The following CRACR2A variants were observed in gnomAD, a reference collection of about 807,000 sequenced individuals.
CRACR2A encodes the protein EF-hand calcium-binding domain-containing protein 4B.
Under a neutral mutation model 90.5 loss-of-function variants are expected in CRACR2A, and 79 were observed. The observed-to-expected ratio is 0.87, with a 90% CI of 0.73 to 1.05. CRACR2A has a LOEUF of 1.05. Among genes scored for constraint, CRACR2A ranks in the 50% least tolerant of loss-of-function variants. CRACR2A has a pLI of 0.00. For synonymous variants in CRACR2A, 338 were observed against 356.7 expected (o/e 0.95, Z 0.59); for missense variants, 823 against 897.2 (o/e 0.92, Z 1.06).
chr12:3,720,647 C>A (rs1340976092), intron 2 of CRACR2A, among the ~76,000 whole-genome samples: 2 of 152,152 alleles, frequency 1.3e-5, no homozygotes, highest in East Asian at 3.9e-4. Flanking sequence ...TGAGTGAATT[C>A]TCCTCCTGAC....
chr12:3,653,192 A>G (rs953631788), intron 10 of CRACR2A, among the ~76,000 whole-genome samples: 3 of 152,106 alleles, frequency 2.0e-5, no homozygotes, highest in Non-Finnish European at 4.4e-5. Context: ...CGTGTTGGTC[A>G]GGCTGGTCTT....
intron 3 of CRACR2A, among the ~76,000 whole-genome samples, chr12:3,700,454 A>G (rs1333367513): frequency 6.6e-6 from 1 of 152,218 alleles, no homozygotes; most frequent in Non-Finnish European, 1.5e-5. Flanking sequence ...GAGGAAACCC[A>G]ACTATATCCT....
At chr12:3,744,589 C>A (rs933490730) in intron 1 of CRACR2A, among the ~76,000 whole-genome samples, 6 of 152,302 alleles carry the variant, frequency 3.9e-5, no homozygotes, top group African/African-American at 1.4e-4. Context: ...CCTTACAGGA[C>A]CCTGGGGAGA....
At chr12:3,687,653 G>A (rs1469238217) in intron 4 of CRACR2A, among the ~76,000 whole-genome samples, 1 of 151,954 alleles carries the variant, frequency 6.6e-6, no homozygotes, top group Non-Finnish European at 1.5e-5. Flanking sequence ...TGCTACAATG[G>A]ACACATACAT....
At chr12:3,706,034 G>A (rs1433961869) in intron 3 of CRACR2A, among the ~76,000 whole-genome samples, 1 of 152,128 alleles carries the variant, frequency 6.6e-6, no homozygotes, top group Non-Finnish European at 1.5e-5. Flanking sequence ...CCCTAGCACT[G>A]TTTGCACAGG....
At position 3,679,111 on chromosome 12, in the gene CRACR2A, G is replaced by GGGCACA. The variant is rs1945397284; in HGVS notation, c.341-19_341-14dup. ...AAGAAGAAGTGACCTGGGGGGTGCA[G>GGGCACA]GGCACAAGGATCCGAATTAGACCAT... On this transcript the variant is annotated splice_polypyrimidine_tract_variant and intron_variant, in intron 5 of 19. Transcript: ENST00000440314. 6.2e-7 allele frequency: 1 copy of GGGCACA among 1,607,122 alleles called. No homozygotes were observed. Among genetic ancestry groups the GGGCACA allele is most frequent in the African/African-American group, 1.3e-5 (1 of 74,630 alleles).
chr12:3,734,665 T>G (rs929768642), intron 1 of CRACR2A, among the ~76,000 whole-genome samples: 1 of 144,712 alleles, frequency 6.9e-6, no homozygotes, highest in Non-Finnish European at 1.5e-5. Context: ...ATATACATAA[T>G]AGAATATAAT....
Position 3,744,617 on chromosome 12 carries a change from A to G in CRACR2A, c.-387+8398T>C, listed in dbSNP as rs1339929784. On this transcript the variant is annotated intron_variant, in intron 1 of 19. Coordinates refer to ENST00000440314, the MANE Select transcript of CRACR2A (RefSeq NM_001144958.2). ...TGGGGAGAAATATGCAAGGTTCTGT[A>G]CAAAGTACTTAGCCCACAGGAGGGC... Among the ~76,000 whole-genome samples the G allele has an allele frequency of 1.3e-5, 2 of 152,248 alleles. 1 individual carries two copies. The highest frequency in any genetic ancestry group is 3.8e-4 in the East Asian group (2 of 5,196).
At chr12:3,684,151 C>A (rs1330251661) in intron 4 of CRACR2A, among the ~76,000 whole-genome samples, 2 of 152,174 alleles carry the variant, frequency 1.3e-5, no homozygotes, top group African/African-American at 2.4e-5. Context: ...AGGAAAAAAT[C>A]AGAGGATATC....
intron 1 of CRACR2A, among the ~76,000 whole-genome samples, chr12:3,743,438 T>C (rs1946560459): frequency 6.6e-6 from 1 of 152,244 alleles, no homozygotes; most frequent in Admixed American, 6.5e-5. Context: ...CCTCCCATTT[T>C]ACAGGCGTGT....
At chr12:3,673,362 G>T in intron 7 of CRACR2A, 84 bp downstream of exon 7, 1 of 1,501,318 alleles carries the variant, frequency 6.7e-7, no homozygotes, top group South Asian at 1.3e-5. Context: ...ACGATGTTTT[G>T]GCAGAAGATC....
At chr12:3,735,660 T>C (rs959162825) in intron 1 of CRACR2A, among the ~76,000 whole-genome samples, 2 of 152,252 alleles carry the variant, frequency 1.3e-5, no homozygotes, top group Non-Finnish European at 2.9e-5. Context: ...AGGAAGTGGG[T>C]AGCAGAGGCA....
chr12:3,680,247 T>C lies in CRACR2A; in HGVS notation c.331A>G (p.Thr111Ala). The change falls in exon 5 of 20, where the codon ACT becomes GCT. Residue 111 changes from threonine to alanine, a missense_variant. By Grantham distance (58) the Thr-to-Ala change is moderately conservative. Coordinates refer to ENST00000440314, the MANE Select transcript of CRACR2A (RefSeq NM_001144958.2). The stretch of plus-strand genomic sequence containing the variant: ...ACCCATCAGAACTTACTAAATCCAG[T>C]AGTGAACTCCTGTGGGGTCAGATAG... The part of the protein sequence containing the change: ...NGYLTPQEFT[T>A]GFSHFFFSQN... 1.2e-6 allele frequency: 2 copies of C among 1,613,914 alleles called. No homozygotes were observed. Among genetic ancestry groups the C allele is most frequent in the Non-Finnish European group, 1.7e-6 (2 of 1,179,818 alleles).
chr12:3,627,453 A>G lies in CRACR2A; in HGVS notation c.1915T>C (p.Trp639Arg), dbSNP rs1183516915. 1 of 1,551,944 alleles carries G rather than the reference A, an allele frequency of 6.4e-7. No homozygotes were observed. Among genetic ancestry groups the G allele is most frequent in the Non-Finnish European group, 8.7e-7 (1 of 1,147,040 alleles). The change falls in exon 17 of 20, where the codon TGG becomes CGG. Residue 639 changes from tryptophan (W) to arginine (R), a missense_variant. Physicochemically the swap from Trp to Arg is moderately radical, Grantham distance 101. Transcript: ENST00000440314. Reference sequence around the variant, plus strand: ...CAGCTCACCTCCACGCTGCTCAGCCACCGCCGGACCGACAGGAACGACTGC... The same window carrying G: ...CAGCTCACCTCCACGCTGCTCAGCCGCCGCCGGACCGACAGGAACGACTGC... ...DKQSFLSVRR[W>R]LSSVEEAVGD... is the part of the protein sequence containing the mutation.
chr12:3,680,234 T>G lies in CRACR2A; in HGVS notation c.340+4A>C, dbSNP rs1945420275. The G allele has an allele frequency of 6.2e-7, 1 of 1,613,020 alleles. No individual in the cohort carries two copies. Among genetic ancestry groups the G allele is most frequent in the Non-Finnish European group, 8.5e-7 (1 of 1,179,144 alleles). On this transcript the variant is annotated splice_donor_region_variant and intron_variant, in intron 5 of 19. Coordinates refer to ENST00000440314, the MANE Select transcript of CRACR2A (RefSeq NM_001144958.2). ...TGAGGTCCCCAGCACCCATCAGAAC[T>G]TACTAAATCCAGTAGTGAACTCCTG...
intron 7 of CRACR2A, among the ~76,000 whole-genome samples, chr12:3,660,698 CT>C (rs1030027518): frequency 6.6e-6 from 1 of 151,934 alleles, no homozygotes; most frequent in Non-Finnish European, 1.5e-5. Flanking sequence ...ATTTTCATAC[CT>C]TTTTTGCTGA....
intron 1 of CRACR2A, among the ~76,000 whole-genome samples, chr12:3,744,609 G>A (rs918646169): frequency 6.6e-6 from 1 of 152,166 alleles, no homozygotes; most frequent in Non-Finnish European, 1.5e-5. Flanking sequence ...AAATATGCAA[G>A]GTTCTGTACA....
intron 13 of CRACR2A, among the ~76,000 whole-genome samples, chr12:3,639,477 C>CACACACACACACACACACACAT (rs1944521894): frequency 6.6e-6 from 1 of 150,636 alleles, no homozygotes; most frequent in African/African-American, 2.4e-5. Context: ...CACACACACA[C>CACACACACACACACACACACAT]GCATGCAAGC....
At chr12:3,654,042 C>T (rs1388086229) in intron 10 of CRACR2A, among the ~76,000 whole-genome samples, 170 bp downstream of exon 10, 2 of 152,314 alleles carry the variant, frequency 1.3e-5, no homozygotes, top group East Asian at 3.9e-4. Flanking sequence ...AACTGGTCTG[C>T]TTAATAGTGT....
Sources: gnomAD v4.1 joint callset for allele counts (sites outside exome capture counted in the v4.1 genomes callset) on GRCh38, gnomAD v4.1.1 for gene constraint, MANE v1.5 for transcripts, NCBI Gene and HGNC (gene_info 2026-07-23, HGNC 2026-07-21) for gene names.